The following AGPAT4 variants were observed in gnomAD, a reference collection of about 807,000 sequenced individuals.
The protein encoded by AGPAT4 is 1-acylglycerol-3-phosphate O-acyltransferase 4, also known as 1-acyl-sn-glycerol-3-phosphate acyltransferase delta.
Under a neutral mutation model 48.0 loss-of-function variants are expected in AGPAT4, and 15 were observed. The observed-to-expected ratio is 0.31, with a 90% CI of 0.21 to 0.48. The LOEUF (loss-of-function observed/expected upper bound fraction) is 0.48. Among genes scored for constraint, AGPAT4 ranks in the 20% least tolerant of loss-of-function variants. The probability of loss-of-function intolerance (pLI) is 0.99; values close to 1 mark genes in which losing one functional copy is unlikely to be tolerated. For missense variants in AGPAT4, 314 were observed against 482.5 expected, an observed-to-expected ratio of 0.65 and a Z score of 3.27; for synonymous variants, 178 against 198.7, an observed-to-expected ratio of 0.90 and a Z score of 0.88.
chr6:161,148,279 G>A lies in AGPAT4; in HGVS notation c.767+908C>T, dbSNP rs1399201962. Among the ~76,000 whole-genome samples, 1 of 152,236 alleles carries A rather than the reference G, an allele frequency of 6.6e-6. No individual in the cohort carries two copies. The highest frequency in any genetic ancestry group is 1.5e-5 in the Non-Finnish European group (1 of 68,046). The stretch of plus-strand genomic sequence containing the variant: ...GCCTGCACCATCAGACAAGAAGTCA[G>A]TGATGATGACGATGCTGTCCTATTT... On this transcript the variant is annotated intron_variant, in intron 6 of 8. Coordinates refer to ENST00000320285, the MANE Select transcript of AGPAT4 (RefSeq NM_020133.3). The surrounding 1 kb of genome is among the most constrained non-coding windows in gnomAD (Gnocchi z 5.5).
At chr6:161,136,711 A>G in intron 8 of AGPAT4, 77 bp from the exon 9 acceptor site, 1 of 1,315,632 alleles carries the variant, frequency 7.6e-7, no homozygotes, top group Non-Finnish European at 1.1e-6. Flanking sequence ...GCAAGTGAGA[A>G]GGCCCGTGGC....
chr6:161,176,972 C>G (rs537013447), intron 2 of AGPAT4, among the ~76,000 whole-genome samples: 2 of 152,182 alleles, frequency 1.3e-5, no homozygotes, highest in Non-Finnish European at 2.9e-5. Flanking sequence ...TATTGGCCCC[C>G]ACTCTCTTCT....
rs1779840933 is a variant in AGPAT4 at position 161,158,857 on chromosome 6, T to TGCACC, written c.349-4552_349-4548dup. On this transcript the variant is annotated intron_variant, in intron 3 of 8. Transcript: ENST00000320285. This position sits in a 1 kb window ranked among gnomAD's most constrained non-coding sequence, Gnocchi z 5.3. ...TGGGAGCAGCAGGGTATCCTGCTCC[T>TGCACC]GCACCGCCTCCACCCCCACTAACAC... Among the ~76,000 whole-genome samples, 2 of 152,306 alleles carry TGCACC rather than the reference T, an allele frequency of 1.3e-5. No homozygotes were observed. Among genetic ancestry groups the TGCACC allele is most frequent in the South Asian group, 4.1e-4 (2 of 4,832 alleles).
intron 2 of AGPAT4, among the ~76,000 whole-genome samples, chr6:161,194,620 ATGTG>A (rs1485418171): frequency 7.0e-6 from 1 of 143,812 alleles, no homozygotes; most frequent in Non-Finnish European, 1.5e-5. Flanking sequence ...GTATGTGTAC[ATGTG>A]TGTATGTGTA....
At chr6:161,203,841 C>G (rs974774393) in intron 2 of AGPAT4, among the ~76,000 whole-genome samples, 1 of 152,168 alleles carries the variant, frequency 6.6e-6, no homozygotes, top group Non-Finnish European at 1.5e-5. Flanking sequence ...TGCCATTTCT[C>G]CACCCCTTGT....
chr6:161,209,574 G>C (rs1193338588), intron 2 of AGPAT4, among the ~76,000 whole-genome samples: 1 of 152,126 alleles, frequency 6.6e-6, no homozygotes, highest in Non-Finnish European at 1.5e-5. Flanking sequence ...GACCAGGAGA[G>C]ACCTGAATTG....
chr6:161,165,525 T>G lies in AGPAT4; in HGVS notation c.348+723A>C, dbSNP rs959516509. ...TTCTGGTGCAAACTCTTAGGACCTT[T>G]CCTAGCCCCAGACCAATGTACACTG... On this transcript the variant is annotated intron_variant, in intron 3 of 8. Coordinates refer to ENST00000320285, the MANE Select transcript of AGPAT4 (RefSeq NM_020133.3). This position sits in a 1 kb window ranked among gnomAD's most constrained non-coding sequence, Gnocchi z 5.5. 21 of 1,169,502 alleles carry G rather than the reference T, an allele frequency of 1.8e-5. No individual in the cohort carries two copies. Among genetic ancestry groups the G allele is most frequent in the Non-Finnish European group, 2.2e-5 (20 of 909,978 alleles). The allele number at this position is 1,169,502 out of a possible 1,614,324, so 72.4% of individuals were successfully genotyped here. A position where few individuals can be genotyped will look rare whatever the true frequency, so the allele number is the denominator to read the frequency against.
chr6:161,196,583 G>A lies in AGPAT4; in HGVS notation c.179-30166C>T, dbSNP rs190574981. Among the ~76,000 whole-genome samples the A allele has an allele frequency of 7.2e-5, 11 of 152,080 alleles. No homozygotes were observed. The East Asian group carries it at 1.4e-3, about 19-fold the overall frequency. ...AGCATTTTGGGAGGCCGAGTCAGGCGGATCACTTGAGGTCAAGAGTTCGAG... is the reference window on the plus strand; with the variant it reads ...AGCATTTTGGGAGGCCGAGTCAGGCAGATCACTTGAGGTCAAGAGTTCGAG... On this transcript the variant is annotated intron_variant, in intron 2 of 8. Coordinates refer to ENST00000320285, the MANE Select transcript of AGPAT4 (RefSeq NM_020133.3). This position sits in a 1 kb window ranked among gnomAD's most constrained non-coding sequence, Gnocchi z 4.3.
intron 4 of AGPAT4, 151 bp downstream of exon 4, chr6:161,153,998 T>A (rs1452388458): frequency 2.0e-6 from 2 of 1,000,334 alleles, no homozygotes; most frequent in South Asian, 2.9e-5. Context: ...GTCACATACA[T>A]CCCTGAGGTT....
At chr6:161,186,809 C>T (rs549837288) in intron 2 of AGPAT4, among the ~76,000 whole-genome samples, 1 of 152,310 alleles carries the variant, frequency 6.6e-6, no homozygotes, top group South Asian at 2.1e-4. Context: ...TGTACCTACC[C>T]CAAGCTCTGG....
intron 5 of AGPAT4, among the ~76,000 whole-genome samples, chr6:161,150,807 C>T (rs1402168039): frequency 6.6e-6 from 1 of 152,206 alleles, no homozygotes; most frequent in Non-Finnish European, 1.5e-5. Flanking sequence ...TGCGTATCTA[C>T]AGGAACAGCT....
rs551645609 is a variant in AGPAT4, at chr6:161,171,237, A to T, written c.179-4820T>A. Among the ~76,000 whole-genome samples the T allele has an allele frequency of 3.3e-5, 5 of 152,376 alleles. No homozygotes were observed. In the South Asian group the frequency reaches 1.0e-3, roughly 32 times the overall value. On this transcript the variant is annotated intron_variant, in intron 2 of 8. Transcript: ENST00000320285. The surrounding 1 kb of genome is among the most constrained non-coding windows in gnomAD (Gnocchi z 4.4). The stretch of plus-strand genomic sequence containing the variant: ...GAGGGTAAATCTAAGAGAAGCAAAG[A>T]TAAGGTATTTGCTGTTTGTCTTAGT...
At position 161,221,298 on chromosome 6, in the gene AGPAT4, C is replaced by T. The variant is rs981391395; in HGVS notation, c.178+10738G>A. Among the ~76,000 whole-genome samples, 2 of 152,178 alleles carry T rather than the reference C, an allele frequency of 1.3e-5. No homozygotes were observed. The highest frequency in any genetic ancestry group is 2.9e-5 in the Non-Finnish European group (2 of 68,044). ...CAGTTTATATACAGTTTGTCACCTT[C>T]CTCCACGTCCAATGTCACCAGCCAG... On this transcript the variant is annotated intron_variant, in intron 2 of 8. Coordinates refer to ENST00000320285, the MANE Select transcript of AGPAT4 (RefSeq NM_020133.3). This position sits in a 1 kb window ranked among gnomAD's most constrained non-coding sequence, Gnocchi z 4.5.
At chr6:161,227,501 C>T (rs1249247917) in intron 2 of AGPAT4, among the ~76,000 whole-genome samples, 1 of 152,194 alleles carries the variant, frequency 6.6e-6, no homozygotes, top group Non-Finnish European at 1.5e-5. Context: ...TAATTTCAGA[C>T]AGGTTCTAGT....
At chr6:161,191,973 G>C (rs979794956) in intron 2 of AGPAT4, among the ~76,000 whole-genome samples, 1 of 151,436 alleles carries the variant, frequency 6.6e-6, no homozygotes, top group Non-Finnish European at 1.5e-5. Context: ...CCAGAGCTGG[G>C]CAGTGTGTAG....
At position 161,169,367 on chromosome 6, in the gene AGPAT4, G is replaced by C. The variant is rs997688097; in HGVS notation, c.179-2950C>G. Among the ~76,000 whole-genome samples the C allele has an allele frequency of 6.6e-6, 1 of 152,184 alleles. No individual in the cohort carries two copies. The highest frequency in any genetic ancestry group is 6.5e-5 in the Admixed American group (1 of 15,290). On this transcript the variant is annotated intron_variant, in intron 2 of 8. Coordinates refer to ENST00000320285, the MANE Select transcript of AGPAT4 (RefSeq NM_020133.3). The surrounding 1 kb of genome is among the most constrained non-coding windows in gnomAD (Gnocchi z 5.0). The stretch of plus-strand genomic sequence containing the variant: ...AGAGGGGATGGTGCTGGGACCAGGT[G>C]GGGGAAGACCAAATTTCCCACTCAC...
rs766113025 is a variant in AGPAT4 at position 161,223,998 on chromosome 6, T to G, written c.178+8038A>C. 5.3e-5 allele frequency among the ~76,000 whole-genome samples: 8 copies of G among 151,944 alleles called. No homozygotes were observed. The highest frequency in any genetic ancestry group is 1.3e-4 in the Admixed American group (2 of 15,218). On this transcript the variant is annotated intron_variant, in intron 2 of 8. Transcript: ENST00000320285. This position sits in a 1 kb window ranked among gnomAD's most constrained non-coding sequence, Gnocchi z 6.3. ...TCCTCTTAGCCTGCACGGATCGTGATTCTTTTATTTTTCTCCCATCTATCA... is the reference window on the plus strand; with the variant it reads ...TCCTCTTAGCCTGCACGGATCGTGAGTCTTTTATTTTTCTCCCATCTATCA...
Position 161,149,077 on chromosome 6 carries a change from A to G in AGPAT4, c.767+110T>C. ...AAATTCAATGCAAAACAGACTGCAA[A>G]GAAGTCAGTGTGACCCAGGGATCCC... On this transcript the variant is annotated intron_variant, in intron 6 of 8. Coordinates refer to ENST00000320285, the MANE Select transcript of AGPAT4 (RefSeq NM_020133.3). The surrounding 1 kb of genome is among the most constrained non-coding windows in gnomAD (Gnocchi z 6.5). 7.2e-7 allele frequency: 1 copy of G among 1,392,104 alleles called. No individual in the cohort carries two copies. Among genetic ancestry groups the G allele is most frequent in the Non-Finnish European group, 9.5e-7 (1 of 1,047,198 alleles). The allele number at this position is 1,392,104 out of a possible 1,614,324, so 86.2% of individuals were successfully genotyped here.
Position 161,270,781 on chromosome 6 carries a change from C to CAA in AGPAT4, c.-90+3155_-90+3156dup, listed in dbSNP as rs146479488. On this transcript the variant is annotated intron_variant, in intron 1 of 8. Transcript: ENST00000320285. This position sits in a 1 kb window ranked among gnomAD's most constrained non-coding sequence, Gnocchi z 5.3. ...TGGGCGACAGAGCAAGACTTCATCT[C>CAA]AAAAAAAAAATAAATGTGAATGCGG... 1.3e-5 allele frequency among the ~76,000 whole-genome samples: 2 copies of CAA among 149,244 alleles called. No individual in the cohort carries two copies. The highest frequency in any genetic ancestry group is 2.1e-4 in the South Asian group (1 of 4,730).
Sources: allele counts gnomAD v4.1 joint callset (sites outside exome capture counted in the v4.1 genomes callset), GRCh38; gene constraint gnomAD v4.1.1; non-coding constraint Gnocchi (gnomAD v3.1); transcripts MANE v1.5; gene names NCBI Gene and HGNC (gene_info 2026-07-23, HGNC 2026-07-21).